ATP10A: variants seen among roughly 807,000 people sequenced by gnomAD.
ATP10A encodes the protein ATPase phospholipid transporting 10A (putative).
A neutral mutation model predicts 147.8 loss-of-function variants in ATP10A; 111 were observed. That is an observed-to-expected ratio of 0.75 (90% CI 0.64 to 0.88). The LOEUF (loss-of-function observed/expected upper bound fraction) is 0.88, where lower values mean the gene tolerates loss of function less well. Among genes scored for constraint, ATP10A ranks in the 40% least tolerant of loss-of-function variants. The probability of loss-of-function intolerance (pLI) is 0.00; values close to 1 mark genes in which losing one functional copy is unlikely to be tolerated. For missense variants in ATP10A, 1,927 were observed against 1,959.0 expected (o/e 0.98, Z 0.31); for synonymous variants, 875 against 841.6 (o/e 1.04, Z -0.69).
chr15:25,810,933 A>T (rs915209160), intron 1 of ATP10A, among the ~76,000 whole-genome samples: 1 of 152,134 alleles, frequency 6.6e-6, no homozygotes, highest in Non-Finnish European at 1.5e-5. Flanking sequence ...CAAAGCCAGG[A>T]CGGTCTGATC....
upstream of ATP10A, among the ~76,000 whole-genome samples, chr15:25,864,461 C>T (rs143345657): frequency 6.6e-6 from 1 of 152,276 alleles, no homozygotes; most frequent in East Asian, 1.9e-4. Context: ...ACTCAAATCA[C>T]GTCTTCGCCA....
chr15:25,794,633 A>G (rs1890580725), intron 1 of ATP10A, among the ~76,000 whole-genome samples: 2 of 152,240 alleles, frequency 1.3e-5, no homozygotes, highest in Admixed American at 1.3e-4. Flanking sequence ...CCGGCTTGGA[A>G]GCCGACGTCA....
chr15:25,699,983 AATCACAT>A (rs1900572910), intron 13 of ATP10A, among the ~76,000 whole-genome samples: 1 of 152,210 alleles, frequency 6.6e-6, no homozygotes, highest in African/African-American at 2.4e-5. Context: ...AATATATGCA[AATCACAT>A]AGCCCACAAA....
At position 25,797,874 on chromosome 15, in the gene ATP10A, C is replaced by G. The variant is rs569332279; in HGVS notation, c.450-16651G>C. On this transcript the variant is annotated intron_variant, in intron 1 of 20. Transcript: ENST00000555815. ...CCGATCTCACCCTGGGCTGGCTCCTCGTCTATGTCATATCCTCCAGGGACA... is the reference window on the plus strand; with the variant it reads ...CCGATCTCACCCTGGGCTGGCTCCTGGTCTATGTCATATCCTCCAGGGACA... 2.6e-5 allele frequency among the ~76,000 whole-genome samples: 4 copies of G among 152,226 alleles called. 1 individual carries two copies. Among genetic ancestry groups the G allele is most frequent in the Admixed American group, 2.6e-4 (4 of 15,296 alleles).
At chr15:25,849,048 G>T (rs528262951) in intron 1 of ATP10A, among the ~76,000 whole-genome samples, 2 of 152,038 alleles carry the variant, frequency 1.3e-5, no homozygotes, top group Non-Finnish European at 2.9e-5. Flanking sequence ...ACCTTGGTGA[G>T]AGGAGGGAGA....
At chr15:25,855,003 G>A (rs1893447053) in intron 1 of ATP10A, among the ~76,000 whole-genome samples, 1 of 149,476 alleles carries the variant, frequency 6.7e-6, no homozygotes, top group Admixed American at 6.7e-5. Flanking sequence ...AGGTTGCAGT[G>A]AGCTGAGATC....
intron 1 of ATP10A, among the ~76,000 whole-genome samples, chr15:25,817,731 A>T (rs1891724209): frequency 6.6e-6 from 1 of 152,216 alleles, no homozygotes; most frequent in East Asian, 1.9e-4. Context: ...GTTCAGCTCA[A>T]TACATGGATA....
intron 1 of ATP10A, among the ~76,000 whole-genome samples, chr15:25,786,117 C>A (rs1291933565): frequency 6.6e-6 from 1 of 152,222 alleles, no homozygotes; most frequent in Non-Finnish European, 1.5e-5. Context: ...GCCATGCAGG[C>A]AAGGTCGTGC....
intron 1 of ATP10A, among the ~76,000 whole-genome samples, chr15:25,851,363 G>T (rs59355536): frequency 0.012 from 1,788 of 146,790 alleles, 35 homozygotes; most frequent in African/African-American, 0.042. Context: ...CTTACTTTAG[G>T]TTTTTTTTTT....
intron 2 of ATP10A, among the ~76,000 whole-genome samples, chr15:25,759,512 T>A (rs911170624): frequency 8.5e-5 from 13 of 152,120 alleles, no homozygotes; most frequent in African/African-American, 2.9e-4. Flanking sequence ...CTGCCCTTAA[T>A]AGAAAACTGT....
chr15:25,807,473 T>A (rs1891241241), intron 1 of ATP10A, among the ~76,000 whole-genome samples: 1 of 152,248 alleles, frequency 6.6e-6, no homozygotes, highest in African/African-American at 2.4e-5. Flanking sequence ...ATAACAATTT[T>A]AAATGAAGTT....
At chr15:25,752,421 C>T (rs1034409912) in intron 2 of ATP10A, among the ~76,000 whole-genome samples, 15 of 152,132 alleles carry the variant, frequency 9.9e-5, no homozygotes, top group Admixed American at 9.2e-4. Flanking sequence ...TTCATATACT[C>T]ACTTATATGT....
In ATP10A at chr15:25,702,083, CTTCAAT is replaced by C. The variant is rs1186221083; in HGVS notation, c.2587_2592del (p.Ile863_Glu864del). 1 of 1,612,178 alleles carries C rather than the reference CTTCAAT, an allele frequency of 6.2e-7. No individual in the cohort carries two copies. Among genetic ancestry groups the C allele is most frequent in the Non-Finnish European group, 8.5e-7 (1 of 1,179,108 alleles). ...TCAGGGACTCCGTCCTGCAGGCGGT[CTTCAAT>C]CCCAGTGGCACCTGGTCAAATGCAC... On this transcript the variant is annotated inframe_deletion, in exon 13 of 21. Coordinates refer to ENST00000555815, the MANE Select transcript of ATP10A (RefSeq NM_024490.4).
In ATP10A at chr15:25,687,846, T is replaced by A. The variant is rs1567300682; in HGVS notation, c.3166-18A>T. 1 of 1,613,702 alleles carries A rather than the reference T, an allele frequency of 6.2e-7. No homozygotes were observed. The highest frequency in any genetic ancestry group is 8.5e-7 in the Non-Finnish European group (1 of 1,179,786). ...ATCACTGCCTTCAAAGGGAGAGGGA[T>A]TCCTGTTACTGGTGATGCCGACCTG... On this transcript the variant is annotated intron_variant, in intron 15 of 20. Coordinates refer to ENST00000555815, the MANE Select transcript of ATP10A (RefSeq NM_024490.4).
At chr15:25,687,947 C>T (rs3743438) in intron 15 of ATP10A, 119 bp from the exon 16 acceptor site, 147,060 of 1,423,236 alleles carry the variant, frequency 0.1, 8,605 homozygotes, top group South Asian at 0.23. Context: ...GAACACAGTG[C>T]GAGCGTGGCC....
At chr15:25,837,695 C>T (rs1892654153) in intron 1 of ATP10A, among the ~76,000 whole-genome samples, 1 of 152,210 alleles carries the variant, frequency 6.6e-6, no homozygotes, top group Non-Finnish European at 1.5e-5. Context: ...GACCAGAAGG[C>T]AAGCACGTCC....
intron 1 of ATP10A, among the ~76,000 whole-genome samples, chr15:25,858,942 A>G (rs940673709): frequency 1.3e-5 from 2 of 152,128 alleles, no homozygotes; most frequent in Admixed American, 6.5e-5. Context: ...GACAGATGAA[A>G]TCACTGGCCC....
At chr15:25,776,693 G>A (rs1889622122) in intron 2 of ATP10A, among the ~76,000 whole-genome samples, 1 of 152,216 alleles carries the variant, frequency 6.6e-6, no homozygotes, top group South Asian at 2.1e-4. Flanking sequence ...CATCAGCCCG[G>A]TGTCTAGGCC....
intron 14 of ATP10A, 99 bp downstream of exon 14, chr15:25,694,720 G>A: frequency 9.3e-6 from 10 of 1,075,572 alleles, no homozygotes; most frequent in Non-Finnish European, 1.3e-5. Flanking sequence ...CAGAAAGAAA[G>A]GTGAGGAAGT....
Sources: allele counts gnomAD v4.1 joint callset (sites outside exome capture counted in the v4.1 genomes callset), GRCh38; gene constraint gnomAD v4.1.1; transcripts MANE v1.5; gene names NCBI Gene and HGNC (gene_info 2026-07-23, HGNC 2026-07-21).